NPAS1: variants seen among roughly 807,000 people sequenced by gnomAD.
The protein encoded by NPAS1 is neuronal PAS domain-containing protein 1.
In NPAS1, 29 loss-of-function variants were observed where a neutral mutation model predicts 49.2. That is an observed-to-expected ratio of 0.59 (90% CI 0.44 to 0.80). The LOEUF is 0.80. Among genes scored for constraint, NPAS1 ranks in the 30% least tolerant of loss-of-function variants. NPAS1 has a pLI of 0.00. For synonymous variants in NPAS1, 408 were observed against 380.4 expected, an observed-to-expected ratio of 1.07 and a Z score of -0.84; for missense variants, 825 against 835.5, an observed-to-expected ratio of 0.99 and a Z score of 0.15.
At chr19:47,033,237 G>A (rs923491751) in intron 5 of NPAS1, among the ~76,000 whole-genome samples, 9 of 147,580 alleles carry the variant, frequency 6.1e-5, no homozygotes, top group Non-Finnish European at 9.0e-5. Flanking sequence ...CCTGGCTGAT[G>A]AGGGCTATTT....
At chr19:47,033,178 C>T (rs1019943803) in intron 5 of NPAS1, among the ~76,000 whole-genome samples, 6 of 151,886 alleles carry the variant, frequency 4.0e-5, no homozygotes, top group African/African-American at 1.5e-4. Flanking sequence ...CCTCGTGATC[C>T]ACCTGCCTCG....
intron 8 of NPAS1, 67 bp downstream of exon 8, chr19:47,039,631 G>A (rs916919354): frequency 6.5e-5 from 97 of 1,481,540 alleles, no homozygotes; most frequent in Non-Finnish European, 8.6e-5. Context: ...TACATGGGGA[G>A]TCAGAGGGAG....
At chr19:47,023,525 A>G (rs1235558360) in intron 3 of NPAS1, among the ~76,000 whole-genome samples, 1 of 152,168 alleles carries the variant, frequency 6.6e-6, no homozygotes, top group African/African-American at 2.4e-5. Flanking sequence ...TTCTAGCTCT[A>G]CAGGGTCCCT....
At chr19:47,039,719 A>T (rs770399055) in intron 8 of NPAS1, among the ~76,000 whole-genome samples, 155 bp downstream of exon 8, 66 of 152,002 alleles carry the variant, frequency 4.3e-4, no homozygotes, top group Non-Finnish European at 7.5e-4. Flanking sequence ...GATGGGGAGA[A>T]GGGAGGGAAG....
intron 6 of NPAS1, 81 bp downstream of exon 6, chr19:47,036,210 T>A: frequency 7.3e-7 from 1 of 1,378,014 alleles, no homozygotes; most frequent in Non-Finnish European, 1.0e-6. Context: ...CCATGCCGCG[T>A]TTATACAAAT....
Position 47,042,887 on chromosome 19 carries a change from C to G in NPAS1, c.1295C>G (p.Pro432Arg), listed in dbSNP as rs375373168. 4 of 1,601,714 alleles carry G rather than the reference C, an allele frequency of 2.5e-6. No homozygotes were observed. The highest frequency in any genetic ancestry group is 3.4e-6 in the Non-Finnish European group (4 of 1,174,468). Residue 432 changes from proline (P) to arginine (R), a missense_variant, in exon 11 of 12, where the codon CCG becomes CGG. Coordinates refer to ENST00000602212, the MANE Select transcript of NPAS1 (RefSeq NM_002517.4). ...ASVACEEASS[P>R]GPEPTEPEPP... is the part of the protein sequence containing the mutation. ...GTGGCCTGTGAGGAGGCATCCAGCC[C>G]GGGGCCAGAGCCCACAGGTGAGCCC... is the stretch of plus-strand genomic sequence containing the variant.
intron 6 of NPAS1, among the ~76,000 whole-genome samples, chr19:47,038,377 C>T (rs1599914476): frequency 6.6e-6 from 1 of 150,962 alleles, no homozygotes; most frequent in Non-Finnish European, 1.5e-5. Flanking sequence ...ACTAGCTGGG[C>T]ATGATGGCGC....
At chr19:47,032,397 G>C (rs2056912644) in intron 4 of NPAS1, 46 bp downstream of exon 4, 1 of 1,597,522 alleles carries the variant, frequency 6.3e-7, no homozygotes, top group Non-Finnish European at 8.6e-7. Flanking sequence ...CTACCACCTA[G>C]CGGCCGCCTC....
intron 3 of NPAS1, among the ~76,000 whole-genome samples, chr19:47,023,892 G>T (rs1305771932): frequency 6.6e-6 from 1 of 152,142 alleles, no homozygotes; most frequent in African/African-American, 2.4e-5. Flanking sequence ...AGATCACGAG[G>T]TCAGGAGTTC....
chr19:47,034,051 TC>T, intron 5 of NPAS1, among the ~76,000 whole-genome samples: 1 of 121,852 alleles, frequency 8.2e-6, no homozygotes, highest in Admixed American at 9.2e-5. Flanking sequence ...ACGCCTGTAA[TC>T]CCAGCACTTT....
At position 47,039,510 on chromosome 19, in the gene NPAS1, A is replaced by G. The variant is rs2056996293; in HGVS notation, c.908A>G (p.His303Arg). 3 of 1,609,520 alleles carry G rather than the reference A, an allele frequency of 1.9e-6. No homozygotes were observed. The highest frequency in any genetic ancestry group is 2.5e-6 in the Non-Finnish European group (3 of 1,177,454). The change falls in exon 8 of 12, where the codon CAC (histidine) becomes CGC (arginine). Residue 303 changes from histidine (H) to arginine (R), a missense_variant. Coordinates refer to ENST00000602212, the MANE Select transcript of NPAS1 (RefSeq NM_002517.4). ...CTGGCTGAGCTGCCACTCCATGGAC[A>G]CATGATCGTCTTCCGTCTCAGCCTG... Reference protein sequence around the residue: ...APLAELPLHGHMIVFRLSLGL... With the variant: ...APLAELPLHGRMIVFRLSLGL...
intron 6 of NPAS1, among the ~76,000 whole-genome samples, chr19:47,038,388 G>A (rs186113561): frequency 2.6e-4 from 40 of 151,084 alleles, no homozygotes; most frequent in African/African-American, 8.9e-4. Context: ...ATGATGGCGC[G>A]TGCCTGTAAT....
chr19:47,039,439 C>G lies in NPAS1; in HGVS notation c.837C>G (p.His279Gln). ...ACGTGACTGGGCGCCTTCGGGCCCA[C>G]GCCCTGGGCCTTGTGGCCCTCGGGC... ...VIHVTGRLRA[H>Q]ALGLVALGHT... Residue 279 changes from histidine to glutamine, a missense_variant, in exon 8 of 12, where the codon CAC becomes CAG. His to Gln is a conservative substitution (Grantham distance 24). Transcript: ENST00000602212. 4 of 1,611,828 alleles carry G rather than the reference C, an allele frequency of 2.5e-6. No homozygotes were observed. The highest frequency in any genetic ancestry group is 3.4e-6 in the Non-Finnish European group (4 of 1,179,820).
Position 47,032,261 on chromosome 19 carries a change from C to A in NPAS1, c.359-17C>A. On this transcript the variant is annotated splice_polypyrimidine_tract_variant and intron_variant, in intron 3 of 11. Transcript: ENST00000602212. ...GGTCAGCCAGACTAACAGGCTTCAT[C>A]CTTCCATCTGCCCCAGCCCCAGGCC... 6.2e-7 allele frequency: 1 copy of A among 1,612,400 alleles called. No individual in the cohort carries two copies. The highest frequency in any genetic ancestry group is 1.1e-5 in the South Asian group (1 of 91,016).
rs1333017796 is a variant in NPAS1, at chr19:47,021,666, G to C, written c.177G>C (p.Gly59=). 6.4e-7 allele frequency: 1 copy of C among 1,559,492 alleles called. No homozygotes were observed. The highest frequency in any genetic ancestry group is 1.4e-5 in the African/African-American group (1 of 71,668). The part of the protein sequence containing the change: ...KSRNAARSRR[G]KENLEFFELA... ...GGAACGCGGCGCGCTCGCGGCGCGG[G>C]AAGGAGAACCTGGAGTTCTTCGAGC... The change falls in exon 3 of 12, where the codon GGG becomes GGC. Residue 59 remains glycine, a synonymous_variant. Coordinates refer to ENST00000602212, the MANE Select transcript of NPAS1 (RefSeq NM_002517.4). This position sits in a 1 kb window ranked among gnomAD's most constrained non-coding sequence, Gnocchi z 5.7.
At chr19:47,020,389 TCGCGCG>T (rs1334310807) in intron 1 of NPAS1, among the ~76,000 whole-genome samples, 1 of 149,670 alleles carries the variant, frequency 6.7e-6, no homozygotes, top group Non-Finnish European at 1.5e-5. Context: ...GGGCTGGGGC[TCGCGCG>T]CCGGGGTCTT....
intron 9 of NPAS1, 80 bp from the exon 10 acceptor site, chr19:47,040,898 C>A: frequency 8.1e-7 from 1 of 1,238,966 alleles, no homozygotes; most frequent in Non-Finnish European, 1.1e-6. Context: ...CTCCTCCTGT[C>A]TCCTCCTGTC....
intron 1 of NPAS1, 95 bp from the exon 2 acceptor site, chr19:47,020,901 CCCCCCCAGCT>C (rs2056834842): frequency 1.7e-5 from 7 of 404,722 alleles, no homozygotes; most frequent in Non-Finnish European, 3.1e-5. Context: ...CAGGCCCCCC[CCCCCCCAGCT>C]CCTTGCTGGG....
At chr19:47,043,198 A>C (rs1355382087) in intron 11 of NPAS1, among the ~76,000 whole-genome samples, 3 of 148,868 alleles carry the variant, frequency 2.0e-5, no homozygotes, top group African/African-American at 7.4e-5. Flanking sequence ...TGAAAGGCTG[A>C]GGCAGGAGAA....
Sources: allele counts gnomAD v4.1 joint callset (sites outside exome capture counted in the v4.1 genomes callset), GRCh38; gene constraint gnomAD v4.1.1; non-coding constraint Gnocchi (gnomAD v3.1); transcripts MANE v1.5; gene names NCBI Gene and HGNC (gene_info 2026-07-23, HGNC 2026-07-21).